CA10: variants seen among roughly 807,000 people sequenced by gnomAD.
CA10 encodes the protein carbonic anhydrase-related protein 10.
Under a neutral mutation model 44.2 loss-of-function variants are expected in CA10, and 14 were observed. The ratio of observed to expected loss-of-function variants is 0.32; its 90% CI spans 0.21 to 0.50. The LOEUF (loss-of-function observed/expected upper bound fraction) is 0.50, where lower values mean the gene tolerates loss of function less well. CA10 is among the 20% of genes least tolerant of loss of function. The pLI, the probability that CA10 is intolerant of heterozygous loss-of-function variation, is 0.99. For synonymous variants in CA10, 159 were observed against 141.6 expected (o/e 1.12, Z -0.87); for missense variants, 350 against 409.7 (o/e 0.85, Z 1.26).
At chr17:52,058,008 T>A (rs1478703494) in intron 2 of CA10, among the ~76,000 whole-genome samples, 2 of 152,120 alleles carry the variant, frequency 1.3e-5, no homozygotes, top group Non-Finnish European at 2.9e-5. Flanking sequence ...TGAGAAGGAT[T>A]GGTACAAAAG....
chr17:51,785,766 C>T (rs1906246800), intron 3 of CA10, among the ~76,000 whole-genome samples: 1 of 152,088 alleles, frequency 6.6e-6, no homozygotes, highest in African/African-American at 2.4e-5. Context: ...TCTTTTTGCT[C>T]AGGAGAGATT....
intron 1 of CA10, among the ~76,000 whole-genome samples, chr17:52,077,560 C>A (rs1280202689): frequency 1.3e-5 from 2 of 150,972 alleles, no homozygotes; most frequent in African/African-American, 4.9e-5. Flanking sequence ...CCATAGTTTG[C>A]TCAGTTCTGT....
chr17:51,878,388 G>T (rs1980185261), intron 3 of CA10, among the ~76,000 whole-genome samples: 1 of 151,968 alleles, frequency 6.6e-6, no homozygotes, highest in Non-Finnish European at 1.5e-5. Context: ...AAGAAACTTG[G>T]CAAGACGCAG....
intron 1 of CA10, among the ~76,000 whole-genome samples, chr17:52,075,051 C>T (rs2143148439): frequency 6.6e-6 from 1 of 152,166 alleles, no homozygotes; most frequent in African/African-American, 2.4e-5. Flanking sequence ...GACCATTTGG[C>T]CCACAAAGCC....
rs560598368 is a variant in CA10, at chr17:52,126,394, A to T, written c.61+31332T>A. On this transcript the variant is annotated intron_variant, in intron 1 of 8. Coordinates refer to ENST00000451037, the MANE Select transcript of CA10 (RefSeq NM_020178.5). ...TTCCAAGAGCCAACACATGAATTTT[A>T]AAAAAATATCCATCAGTCATTTAGA... Among the ~76,000 whole-genome samples the T allele has an allele frequency of 7.2e-5, 11 of 152,310 alleles. No individual in the cohort carries two copies. The East Asian group carries it at 1.9e-3, about 27-fold the overall frequency.
intron 3 of CA10, among the ~76,000 whole-genome samples, chr17:51,773,231 GGTTGGAGTGATACATTCCCA>G (rs1390577808): frequency 6.6e-6 from 1 of 152,204 alleles, no homozygotes; most frequent in Non-Finnish European, 1.5e-5. Context: ...CTGGAAGCCA[GGTTGGAGTGATACATTCCCA>G]ACCCTGGTTA....
intron 2 of CA10, among the ~76,000 whole-genome samples, chr17:51,990,342 G>A (rs1461555043): frequency 2.0e-5 from 3 of 151,962 alleles, no homozygotes; most frequent in African/African-American, 7.3e-5. Context: ...TGCTATCACT[G>A]TGTCTATCAT....
chr17:52,085,595 G>C (rs1417598729), intron 1 of CA10, among the ~76,000 whole-genome samples: 1 of 152,140 alleles, frequency 6.6e-6, no homozygotes, highest in Non-Finnish European at 1.5e-5. Flanking sequence ...TAACTTATCT[G>C]TTTTCCAAAA....
At chr17:51,632,217 G>T (rs1420190418) in intron 8 of CA10, among the ~76,000 whole-genome samples, 1 of 152,178 alleles carries the variant, frequency 6.6e-6, no homozygotes, top group Admixed American at 6.5e-5. Flanking sequence ...AAAGTGTGTA[G>T]ACTCCTGTTG....
At chr17:51,734,813 T>A (rs1012880903) in intron 4 of CA10, among the ~76,000 whole-genome samples, 15 of 152,124 alleles carry the variant, frequency 9.9e-5, no homozygotes, top group African/African-American at 3.1e-4. Context: ...TGAGATGGGG[T>A]AATTTATAAA....
intron 3 of CA10, among the ~76,000 whole-genome samples, chr17:51,898,142 C>G (rs1260098915): frequency 2.0e-5 from 3 of 152,102 alleles, no homozygotes; most frequent in Non-Finnish European, 4.4e-5. Context: ...TTGTCTTGTT[C>G]TGCTTCTCAA....
intron 4 of CA10, among the ~76,000 whole-genome samples, chr17:51,691,967 G>A (rs1285865931): frequency 6.6e-6 from 1 of 152,124 alleles, no homozygotes; most frequent in Admixed American, 6.5e-5. Flanking sequence ...ATCTAAAAGT[G>A]CTTTAGCTAA....
chr17:52,126,704 T>C (rs553932236), intron 1 of CA10, among the ~76,000 whole-genome samples: 3 of 152,220 alleles, frequency 2.0e-5, no homozygotes, highest in Non-Finnish European at 2.9e-5. Context: ...TCGTTTTTAT[T>C]TGGGGCATAT....
intron 7 of CA10, among the ~76,000 whole-genome samples, chr17:51,634,994 A>C (rs1454999902): frequency 6.6e-6 from 1 of 152,106 alleles, no homozygotes; most frequent in Non-Finnish European, 1.5e-5. Flanking sequence ...GGCTCTTTAA[A>C]CCCAGGCATA....
At chr17:52,103,816 C>A (rs1988595646) in intron 1 of CA10, among the ~76,000 whole-genome samples, 1 of 152,220 alleles carries the variant, frequency 6.6e-6, no homozygotes, top group Non-Finnish European at 1.5e-5. Flanking sequence ...GAGGCAGTCC[C>A]CCCAGCACTT....
At chr17:51,806,330 G>T (rs1422109748) in intron 3 of CA10, among the ~76,000 whole-genome samples, 1 of 152,184 alleles carries the variant, frequency 6.6e-6, no homozygotes, top group East Asian at 1.9e-4. Context: ...GACCCATTTT[G>T]GGAGGCTTTC....
At chr17:51,672,764 A>G (rs765923548) in intron 4 of CA10, among the ~76,000 whole-genome samples, 3 of 152,208 alleles carry the variant, frequency 2.0e-5, no homozygotes, top group Non-Finnish European at 4.4e-5. Flanking sequence ...CTTGATTCCC[A>G]TGCCAGGGCT....
intron 3 of CA10, among the ~76,000 whole-genome samples, chr17:51,852,286 C>T (rs990608679): frequency 3.9e-5 from 6 of 152,196 alleles, no homozygotes; most frequent in East Asian, 1.9e-4. Flanking sequence ...GAGTCAGAGG[C>T]GAGGAGATTG....
At chr17:51,924,895 C>T (rs1199597358) in intron 3 of CA10, among the ~76,000 whole-genome samples, 1 of 152,150 alleles carries the variant, frequency 6.6e-6, no homozygotes, top group African/African-American at 2.4e-5. Flanking sequence ...ATCCAGAAAT[C>T]AAAAGGAAAT....
Sources: allele counts gnomAD v4.1 joint callset (sites outside exome capture counted in the v4.1 genomes callset), GRCh38; gene constraint gnomAD v4.1.1; transcripts MANE v1.5; gene names NCBI Gene and HGNC (gene_info 2026-07-23, HGNC 2026-07-21).